MOB1B: variants seen among roughly 807,000 people sequenced by gnomAD.
The protein encoded by MOB1B is MOB kinase activator 1B, also known as MOB1 Mps One Binder homolog B.
A neutral mutation model predicts 24.4 loss-of-function variants in MOB1B; 19 were observed. The observed-to-expected ratio is 0.78, with a 90% CI of 0.54 to 1.14. MOB1B has a LOEUF of 1.14. MOB1B is among the 50% of genes most tolerant of loss of function. The probability of loss-of-function intolerance (pLI) is 0.00; values close to 1 mark genes in which losing one functional copy is unlikely to be tolerated. For missense variants in MOB1B, 243 were observed against 259.6 expected (o/e 0.94, Z 0.44); for synonymous variants, 76 against 82.1 (o/e 0.93, Z 0.40).
Position 70,982,143 on chromosome 4 carries a change from A to C in MOB1B, c.*86A>C, listed in dbSNP as rs58137770. 1.0e-6 allele frequency: 1 copy of C among 990,018 alleles called. No individual in the cohort carries two copies. Among genetic ancestry groups the C allele is most frequent in the East Asian group, 2.5e-5 (1 of 39,914 alleles). The allele number at this position is 990,018 out of a possible 1,614,324, so 61.3% of individuals were successfully genotyped here. On this transcript the variant is annotated 3_prime_UTR_variant, in exon 6 of 6. Coordinates refer to ENST00000309395, the MANE Select transcript of MOB1B (RefSeq NM_173468.4). Reference sequence around the variant, plus strand: ...TTTGTTATATTTTGTTTTTATCTGGATTGTTTTTGTCCTAGGTTTGGGGGC... The same window carrying C: ...TTTGTTATATTTTGTTTTTATCTGGCTTGTTTTTGTCCTAGGTTTGGGGGC...
rs1736433456 is a variant in MOB1B at position 70,921,478 on chromosome 4, T to TCC, written c.14+18928_14+18929insCC. On this transcript the variant is annotated intron_variant, in intron 1 of 5. Transcript: ENST00000309395. ...TTTCTTTCTTTTCTTCTCTCTTCTCTTCTCTCCCCTCCCCTCCCCTCCCCT... is the reference window on the plus strand; with the variant it reads ...TTTCTTTCTTTTCTTCTCTCTTCTCTCCTCTCTCCCCTCCCCTCCCCTCCCCT... 2.1e-5 allele frequency among the ~76,000 whole-genome samples: 3 copies of TCC among 141,210 alleles called. No homozygotes were observed. In the East Asian group the frequency reaches 6.5e-4, roughly 31 times the overall value. The allele number at this position is 141,210 out of a possible 152,430, so 92.6% of individuals were successfully genotyped here.
intron 1 of MOB1B, among the ~76,000 whole-genome samples, chr4:70,924,768 G>T (rs1269656576): frequency 6.6e-6 from 1 of 152,146 alleles, no homozygotes; most frequent in African/African-American, 2.4e-5. Context: ...GTGATAGTTT[G>T]CTGAGAATGA....
rs1010724512 is a variant in MOB1B, at chr4:70,913,034, A to C, written c.14+10484A>C. On this transcript the variant is annotated intron_variant, in intron 1 of 5. Transcript: ENST00000309395. ...TGGCCTCCCAAAGTGCCGGCATTAC[A>C]GGTGTGAGCCACCGGGCCCAGCCTG... is the stretch of plus-strand genomic sequence containing the variant. Among the ~76,000 whole-genome samples the C allele has an allele frequency of 2.0e-5, 3 of 152,240 alleles. No individual in the cohort carries two copies. The East Asian group carries it at 5.8e-4, about 29-fold the overall frequency.
intron 2 of MOB1B, among the ~76,000 whole-genome samples, chr4:70,967,582 T>G (rs1341135492): frequency 6.6e-6 from 1 of 152,194 alleles, no homozygotes; most frequent in Non-Finnish European, 1.5e-5. Context: ...AAAGAAAATA[T>G]GTTGAAAATC....
chr4:70,930,635 T>C (rs1736850234), intron 1 of MOB1B, among the ~76,000 whole-genome samples: 1 of 152,212 alleles, frequency 6.6e-6, no homozygotes, highest in South Asian at 2.1e-4. Context: ...GTAAATACTG[T>C]GCATGATTGT....
intron 2 of MOB1B, among the ~76,000 whole-genome samples, chr4:70,965,006 A>G (rs944546068): frequency 3.3e-5 from 5 of 151,860 alleles, no homozygotes; most frequent in African/African-American, 9.7e-5. Flanking sequence ...ACATACAATA[A>G]AGGGAATTGG....
intron 2 of MOB1B, among the ~76,000 whole-genome samples, chr4:70,964,727 C>G (rs572614424): frequency 3.3e-5 from 5 of 151,818 alleles, no homozygotes; most frequent in African/African-American, 7.3e-5. Context: ...GTCAGAAGTT[C>G]GGGACCAGCC....
intron 3 of MOB1B, among the ~76,000 whole-genome samples, chr4:70,971,482 A>G (rs1026022998): frequency 6.7e-6 from 1 of 150,358 alleles, no homozygotes; most frequent in African/African-American, 2.5e-5. Context: ...TCCAGCCTGA[A>G]TGATAGAGTG....
chr4:70,964,831 G>A (rs1454549741), intron 2 of MOB1B, among the ~76,000 whole-genome samples: 1 of 151,802 alleles, frequency 6.6e-6, no homozygotes, highest in African/African-American at 2.4e-5. Flanking sequence ...GTGGGAGGCT[G>A]AGGCAGGAAA....
intron 1 of MOB1B, 66 bp downstream of exon 1, chr4:70,902,616 G>T: frequency 8.7e-7 from 1 of 1,148,794 alleles, no homozygotes. Context: ...CCCGCCGCCC[G>T]CCGCCCGTCG....
In MOB1B at chr4:70,958,978, A is replaced by G. The variant is rs746102820; in HGVS notation, c.119A>G (p.Asn40Ser). 36 of 1,614,060 alleles carry G rather than the reference A, an allele frequency of 2.2e-5. No homozygotes were observed. Among genetic ancestry groups the G allele is most frequent in the Non-Finnish European group, 3.0e-5 (35 of 1,180,024 alleles). The stretch of plus-strand genomic sequence containing the variant: ...GCAGAAGCCACACTTGGCAGTGGCA[A>G]CCTTCGGATGGCTGTCATGCTTCCT... ...KHAEATLGSG[N>S]LRMAVMLPEG... The change falls in exon 2 of 6, where the codon AAC becomes AGC. Residue 40 changes from asparagine to serine, a missense_variant. Asn to Ser is a conservative substitution (Grantham distance 46). Coordinates refer to ENST00000309395, the MANE Select transcript of MOB1B (RefSeq NM_173468.4).
chr4:70,931,370 A>C (rs1736883938), intron 1 of MOB1B, among the ~76,000 whole-genome samples: 1 of 152,198 alleles, frequency 6.6e-6, no homozygotes. Context: ...GGTGGTAGTT[A>C]CAAAACTTAT....
chr4:70,962,975 G>T (rs984410130), intron 2 of MOB1B, among the ~76,000 whole-genome samples: 3 of 152,202 alleles, frequency 2.0e-5, no homozygotes, highest in Non-Finnish European at 4.4e-5. Flanking sequence ...CTGCATTCCA[G>T]CCTGGGTGAC....
rs570347561 is a variant in MOB1B, at chr4:70,902,561, A to G, written c.14+11A>G. On this transcript the variant is annotated intron_variant, in intron 1 of 5. Coordinates refer to ENST00000309395, the MANE Select transcript of MOB1B (RefSeq NM_173468.4). ...CATGAGCTTCTTGTTGTGAGTAGCCAGGCCCCGCACGCGCCGGCTTTGTTC... is the reference window on the plus strand; with the variant it reads ...CATGAGCTTCTTGTTGTGAGTAGCCGGGCCCCGCACGCGCCGGCTTTGTTC... The G allele has an allele frequency of 9.6e-6, 15 of 1,556,556 alleles. No homozygotes were observed. The African/African-American group carries it at 1.9e-4, about 20-fold the overall frequency.
In MOB1B at chr4:70,903,176, A is replaced by G. The variant is rs556958461; in HGVS notation, c.14+626A>G. 1.8e-3 allele frequency among the ~76,000 whole-genome samples: 269 copies of G among 152,262 alleles called. 1 individual carries two copies. The highest frequency in any genetic ancestry group is 6.8e-3 in the Middle Eastern group (2 of 294). ...CTGGAGCCGCCCCCTTGCTTCCTAG[A>G]GGCGCCCTTCCTCCCAGAGGACTTC... On this transcript the variant is annotated intron_variant, in intron 1 of 5. Transcript: ENST00000309395.
chr4:70,954,823 A>G (rs977527464), intron 1 of MOB1B, among the ~76,000 whole-genome samples: 1 of 149,748 alleles, frequency 6.7e-6, no homozygotes, highest in Admixed American at 6.7e-5. Flanking sequence ...CGATCTGGGC[A>G]TGGTGGCATA....
At chr4:70,979,960 G>A (rs1400111502) in intron 5 of MOB1B, among the ~76,000 whole-genome samples, 1 of 152,150 alleles carries the variant, frequency 6.6e-6, no homozygotes, top group Non-Finnish European at 1.5e-5. Context: ...AAAAGAGGTG[G>A]AAATAAAAGA....
chr4:70,962,083 G>A (rs1738329746), intron 2 of MOB1B, among the ~76,000 whole-genome samples: 1 of 152,094 alleles, frequency 6.6e-6, no homozygotes. Flanking sequence ...AATTAGCTGG[G>A]AGTGGTGGTT....
rs115809171 is a variant in MOB1B, at chr4:70,982,096, C to T, written c.*39C>T. 1.1e-4 allele frequency: 162 copies of T among 1,429,332 alleles called. 1 individual carries two copies. The African/African-American group carries it at 2.2e-3, about 19-fold the overall frequency. The allele number at this position is 1,429,332 out of a possible 1,614,324, so 88.5% of individuals were successfully genotyped here. ...TGTGCAAATTGTTCCTCAAATGAAGCAGTGTGGAGTGTATTGGGGATTTTG... is the reference window on the plus strand; with the variant it reads ...TGTGCAAATTGTTCCTCAAATGAAGTAGTGTGGAGTGTATTGGGGATTTTG... On this transcript the variant is annotated 3_prime_UTR_variant, in exon 6 of 6. Coordinates refer to ENST00000309395, the MANE Select transcript of MOB1B (RefSeq NM_173468.4).
Sources: allele counts gnomAD v4.1 joint callset (sites outside exome capture counted in the v4.1 genomes callset), GRCh38; gene constraint gnomAD v4.1.1; transcripts MANE v1.5; gene names NCBI Gene and HGNC (gene_info 2026-07-23, HGNC 2026-07-21).